The following MINDY3 variants were observed in gnomAD, a reference collection of about 807,000 sequenced individuals.
The protein encoded by MINDY3 is MINDY lysine 48 deubiquitinase 3.
Under a neutral mutation model 69.2 loss-of-function variants are expected in MINDY3, and 38 were observed. The observed-to-expected ratio is 0.55, with a 90% confidence interval of 0.42 to 0.72. MINDY3 has a LOEUF of 0.72. Ranked by LOEUF, MINDY3 falls within the 30% of genes least tolerant of loss-of-function variation. The pLI is 0.00. For synonymous variants in MINDY3, 192 were observed against 180.1 expected (o/e 1.07, Z -0.53); for missense variants, 522 against 519.0 (o/e 1.01, Z -0.06).
intron 5 of MINDY3, chr10:15,837,654 C>A: frequency 1.7e-6 from 2 of 1,164,660 alleles, no homozygotes; most frequent in Non-Finnish European, 2.2e-6. Context: ...GGGGTAAACA[C>A]AAAGAAAACT....
At chr10:15,832,024 A>C (rs960713112) in intron 8 of MINDY3, among the ~76,000 whole-genome samples, 1 of 152,148 alleles carries the variant, frequency 6.6e-6, no homozygotes, top group Non-Finnish European at 1.5e-5. Flanking sequence ...AGTCCTGCCA[A>C]TGAAAGTTAT....
chr10:15,823,916 T>A (rs1465874444), intron 8 of MINDY3, among the ~76,000 whole-genome samples: 1 of 152,198 alleles, frequency 6.6e-6, no homozygotes, highest in Non-Finnish European at 1.5e-5. Context: ...TTTTTCTTCC[T>A]GGCTTATTTC....
chr10:15,855,278 A>C (rs1268300274), intron 1 of MINDY3, among the ~76,000 whole-genome samples: 1 of 152,124 alleles, frequency 6.6e-6, no homozygotes, highest in Non-Finnish European at 1.5e-5. Context: ...AAATAAAGTC[A>C]GCTAAATGAA....
chr10:15,858,353 T>C (rs540287903), intron 1 of MINDY3, among the ~76,000 whole-genome samples: 2 of 152,356 alleles, frequency 1.3e-5, no homozygotes, highest in African/African-American at 2.4e-5. Context: ...TAATAAGTCA[T>C]TATAAAGTTC....
At chr10:15,856,486 G>C (rs1834699883) in intron 1 of MINDY3, among the ~76,000 whole-genome samples, 1 of 151,564 alleles carries the variant, frequency 6.6e-6, no homozygotes, top group Non-Finnish European at 1.5e-5. Flanking sequence ...CTAGTCTTTA[G>C]GAGAAACAAT....
intron 1 of MINDY3, among the ~76,000 whole-genome samples, chr10:15,853,127 G>A (rs78506922): frequency 0.037 from 5,613 of 152,080 alleles, 317 homozygotes; most frequent in African/African-American, 0.13. Flanking sequence ...AAGGGAAAAA[G>A]GAATGATAGT....
intron 8 of MINDY3, among the ~76,000 whole-genome samples, chr10:15,830,823 G>A (rs1357603857): frequency 2.0e-5 from 3 of 152,148 alleles, no homozygotes; most frequent in African/African-American, 4.8e-5. Flanking sequence ...ATATTTTAGC[G>A]ATGCGGGCAA....
chr10:15,794,734 T>C (rs1837676472), intron 11 of MINDY3, among the ~76,000 whole-genome samples: 1 of 152,082 alleles, frequency 6.6e-6, no homozygotes, highest in African/African-American at 2.4e-5. Flanking sequence ...AAATAAATAG[T>C]ACAAGCCTGC....
intron 13 of MINDY3, among the ~76,000 whole-genome samples, chr10:15,784,562 A>G (rs1588501321): frequency 6.6e-6 from 1 of 152,036 alleles, no homozygotes; most frequent in Admixed American, 6.6e-5. Context: ...CTGACCAACA[A>G]GGTGAAACCC....
rs77721394 is a variant in MINDY3 at position 15,858,246 on chromosome 10, A to G, written c.94+1960T>C. On this transcript the variant is annotated intron_variant, in intron 1 of 14. Transcript: ENST00000277632. ...CAAAATATAACTAACTGCACCCTGT[A>G]AACGAAAAAAAGAAAGAAATCCTTT... 4.7e-3 allele frequency among the ~76,000 whole-genome samples: 711 copies of G among 152,334 alleles called. 2 individuals carry two copies. Among genetic ancestry groups the G allele is most frequent in the Non-Finnish European group, 6.6e-3 (452 of 68,014 alleles).
At chr10:15,841,223 T>C (rs1260267120) in intron 4 of MINDY3, among the ~76,000 whole-genome samples, 1 of 151,582 alleles carries the variant, frequency 6.6e-6, no homozygotes, top group East Asian at 1.9e-4. Flanking sequence ...AGATGCATTT[T>C]TTTTTGCAAA....
chr10:15,803,476 T>C (rs545913211), intron 10 of MINDY3, among the ~76,000 whole-genome samples: 19 of 152,288 alleles, frequency 1.2e-4, no homozygotes, highest in African/African-American at 4.3e-4. Flanking sequence ...TTTTTCTTAT[T>C]GTACATAAAA....
intron 10 of MINDY3, among the ~76,000 whole-genome samples, chr10:15,805,828 G>C (rs1263391231): frequency 2.0e-5 from 3 of 152,132 alleles, no homozygotes; most frequent in Non-Finnish European, 4.4e-5. Flanking sequence ...TAAAATAAAA[G>C]AGACACGTGG....
At chr10:15,844,411 C>A (rs1412695045) in intron 2 of MINDY3, among the ~76,000 whole-genome samples, 2 of 152,100 alleles carry the variant, frequency 1.3e-5, no homozygotes, top group Non-Finnish European at 2.9e-5. Context: ...GCTTCCTTCC[C>A]ATCTTTTTTA....
At chr10:15,795,343 GA>G (rs1171781860) in intron 11 of MINDY3, among the ~76,000 whole-genome samples, 3 of 152,012 alleles carry the variant, frequency 2.0e-5, no homozygotes, top group Admixed American at 1.3e-4. Flanking sequence ...TTTCAGAGAG[GA>G]AAAGAGCAGA....
intron 10 of MINDY3, 74 bp downstream of exon 10, chr10:15,816,761 C>A: frequency 9.3e-7 from 1 of 1,080,448 alleles, no homozygotes; most frequent in South Asian, 1.4e-5. Flanking sequence ...CACAAAGATC[C>A]AAACCAAATA....
In MINDY3 at chr10:15,787,840, C is replaced by CA. The variant is rs1284488388; in HGVS notation, c.1029-1193dup. 2.6e-5 allele frequency among the ~76,000 whole-genome samples: 4 copies of CA among 152,170 alleles called. No homozygotes were observed. The East Asian group carries it at 7.7e-4, about 29-fold the overall frequency. Reference sequence around the variant, plus strand: ...ATGATGAAACAAATGAAGGCAGGGTCATTTGTGTTTAATTCATTTAATCCT... The same window carrying CA: ...ATGATGAAACAAATGAAGGCAGGGTCAATTTGTGTTTAATTCATTTAATCCT... On this transcript the variant is annotated intron_variant, in intron 12 of 14. Coordinates refer to ENST00000277632, the MANE Select transcript of MINDY3 (RefSeq NM_024948.4).
intron 12 of MINDY3, among the ~76,000 whole-genome samples, chr10:15,788,148 CTT>C (rs1400590949): frequency 1.3e-5 from 2 of 152,008 alleles, no homozygotes; most frequent in African/African-American, 4.8e-5. Context: ...AGTTAATTCT[CTT>C]TTGTAAATTA....
intron 8 of MINDY3, among the ~76,000 whole-genome samples, chr10:15,823,161 G>A (rs1287280295): frequency 6.6e-6 from 1 of 152,054 alleles, no homozygotes; most frequent in Non-Finnish European, 1.5e-5. Context: ...TTAACTTTCT[G>A]GATTGGTAAA....
Sources: allele counts gnomAD v4.1 joint callset (sites outside exome capture counted in the v4.1 genomes callset), GRCh38; gene constraint gnomAD v4.1.1; transcripts MANE v1.5; gene names NCBI Gene and HGNC (gene_info 2026-07-23, HGNC 2026-07-21).